Variants in TCEA1 observed in about 807,000 individuals in gnomAD.
TCEA1 encodes the protein transcription elongation factor A protein 1.
A neutral mutation model predicts 43.8 loss-of-function variants in TCEA1; 21 were observed. The observed-to-expected ratio is 0.48, with a 90% CI of 0.34 to 0.69. The LOEUF (loss-of-function observed/expected upper bound fraction) is 0.69. Ranked by LOEUF, TCEA1 falls within the 30% of genes least tolerant of loss-of-function variation. The pLI is 0.01. For missense variants in TCEA1, 250 were observed against 365.1 expected (o/e 0.68, Z 2.57); for synonymous variants, 104 against 117.5 (o/e 0.88, Z 0.75).
rs569596987 is a variant in TCEA1, at chr8:53,985,600, G to A, written c.524-1083C>T. 2.3e-3 allele frequency among the ~76,000 whole-genome samples: 346 copies of A among 152,182 alleles called. 3 individuals are homozygous for A. Among genetic ancestry groups the A allele is most frequent in the East Asian group, 1.2e-3 (6 of 5,164 alleles). On this transcript the variant is annotated intron_variant, in intron 6 of 9. Transcript: ENST00000521604. ...CTACCTCAGCAGGCTCTTCTTCTCT[G>A]CAGAAGAGGCCACTGCCAAAGCTGA...
At chr8:54,020,880 G>A (rs1441426351) in intron 1 of TCEA1, among the ~76,000 whole-genome samples, 1 of 152,124 alleles carries the variant, frequency 6.6e-6, no homozygotes, top group Non-Finnish European at 1.5e-5. Context: ...TTTAGGTGAG[G>A]ACAATTATAT....
At position 53,987,035 on chromosome 8, in the gene TCEA1, G is replaced by A. The variant is rs1192400484; in HGVS notation, c.467-10C>T. 6.3e-7 allele frequency: 1 copy of A among 1,583,762 alleles called. No individual in the cohort carries two copies. Among genetic ancestry groups the A allele is most frequent in the Non-Finnish European group, 8.6e-7 (1 of 1,166,856 alleles). On this transcript the variant is annotated splice_polypyrimidine_tract_variant and intron_variant, in intron 5 of 9. Coordinates refer to ENST00000521604, the MANE Select transcript of TCEA1 (RefSeq NM_006756.4). ...ATTGCAATGTAGTCATCTAAAAATA[G>A]GCATAAAGAATTGTCAAATTATTGT...
intron 8 of TCEA1, chr8:53,972,592 T>C (rs1232542393): frequency 1.4e-5 from 8 of 564,846 alleles, no homozygotes; most frequent in Non-Finnish European, 2.8e-5. Flanking sequence ...AAAGGAGGTG[T>C]TATATTTCCT....
intron 1 of TCEA1, among the ~76,000 whole-genome samples, chr8:54,021,213 C>T (rs1488345947): frequency 1.3e-5 from 2 of 152,052 alleles, no homozygotes; most frequent in Non-Finnish European, 2.9e-5. Flanking sequence ...TAGCTAAGAA[C>T]AGATGAGTCT....
In TCEA1 at chr8:53,988,028, C is replaced by T. The variant is rs1214655645; in HGVS notation, c.466+86G>A. On this transcript the variant is annotated intron_variant, in intron 5 of 9. Transcript: ENST00000521604. ...TGGGTGGGCTATCCACAGGGTAACA[C>T]TCATCAAACAGCAATATGGAGTTGG... The T allele has an allele frequency of 1.9e-5, 28 of 1,506,894 alleles. No individual in the cohort carries two copies. The South Asian group carries it at 2.7e-4, about 15-fold the overall frequency. 93.3% of individuals were successfully genotyped at this position (1,506,894 alleles called of 1,614,324 possible). A position where few individuals can be genotyped will look rare whatever the true frequency, so the allele number is the denominator to read the frequency against.
At position 54,002,274 on chromosome 8, in the gene TCEA1, A is replaced by T. The variant is rs564321372; in HGVS notation, c.127-2224T>A. On this transcript the variant is annotated intron_variant, in intron 2 of 9. Coordinates refer to ENST00000521604, the MANE Select transcript of TCEA1 (RefSeq NM_006756.4). ...ATCACGAGGTCGGGAGATTAAGACC[A>T]TCCTGGCTGACACGGTGAAACCCCA... 2.8e-3 allele frequency among the ~76,000 whole-genome samples: 422 copies of T among 151,698 alleles called. 3 individuals are homozygous for T. Among genetic ancestry groups the T allele is most frequent in the African/African-American group, 9.8e-3 (404 of 41,328 alleles).
intron 5 of TCEA1, among the ~76,000 whole-genome samples, chr8:53,987,558 G>A (rs991876980): frequency 6.6e-6 from 1 of 152,294 alleles, no homozygotes. Context: ...TAGCCATGGT[G>A]CAGAATGAGA....
intron 1 of TCEA1, chr8:54,021,745 T>C (rs1215114007): frequency 1.2e-5 from 3 of 257,264 alleles, no homozygotes; most frequent in African/African-American, 6.7e-5. Context: ...ATTCCTAAGC[T>C]AAATTGCCAA....
intron 9 of TCEA1, among the ~76,000 whole-genome samples, chr8:53,968,807 A>G (rs1481590812): frequency 6.6e-6 from 1 of 152,214 alleles, no homozygotes; most frequent in African/African-American, 2.4e-5. Flanking sequence ...AAAAAGATCC[A>G]TCATGCAAAA....
At chr8:53,993,133 T>C (rs1002128286) in intron 4 of TCEA1, among the ~76,000 whole-genome samples, 1 of 145,422 alleles carries the variant, frequency 6.9e-6, no homozygotes, top group Non-Finnish European at 1.5e-5. Context: ...GCTAATTTTT[T>C]TTTTTTTTTT....
intron 6 of TCEA1, 92 bp from the exon 7 acceptor site, chr8:53,984,609 C>G: frequency 8.9e-7 from 1 of 1,129,934 alleles, no homozygotes; most frequent in Non-Finnish European, 1.2e-6. Flanking sequence ...TGAGGCCAGG[C>G]ACGGTGGCTC....
rs555548863 is a variant in TCEA1, at chr8:54,006,593, ACTCT to A, written c.126+3833_126+3836del. Among the ~76,000 whole-genome samples the A allele has an allele frequency of 1.1e-4, 16 of 152,158 alleles. No homozygotes were observed. The South Asian group carries it at 2.7e-3, about 26-fold the overall frequency. On this transcript the variant is annotated intron_variant, in intron 2 of 9. Transcript: ENST00000521604. ...AATATTAACCCTATCCAACCTCCAT[ACTCT>A]CTCTAACTCTACACGTGCCTGTTAA...
intron 7 of TCEA1, among the ~76,000 whole-genome samples, chr8:53,983,824 C>T (rs899286212): frequency 7.2e-5 from 11 of 152,190 alleles, no homozygotes; most frequent in African/African-American, 2.4e-4. Context: ...GGTGGCCAGC[C>T]GTGGTGGCTC....
At chr8:54,003,969 G>A (rs940779002) in intron 2 of TCEA1, among the ~76,000 whole-genome samples, 4 of 149,866 alleles carry the variant, frequency 2.7e-5, no homozygotes, top group Non-Finnish European at 4.4e-5. Context: ...ATTTAAAAAC[G>A]GGCAAAGGAT....
chr8:54,009,563 G>A (rs1586032990), intron 2 of TCEA1, among the ~76,000 whole-genome samples: 2 of 152,154 alleles, frequency 1.3e-5, no homozygotes, highest in East Asian at 1.9e-4. Flanking sequence ...AATAAGCCAG[G>A]CAGAGAAAGA....
chr8:53,973,883 G>C, intron 8 of TCEA1: 1 of 322,554 alleles, frequency 3.1e-6, no homozygotes, highest in Non-Finnish European at 5.9e-6. Flanking sequence ...AGGCAATAAA[G>C]AAAAAAGAGG....
At chr8:53,989,082 A>G (rs1803787375) in intron 4 of TCEA1, among the ~76,000 whole-genome samples, 1 of 151,932 alleles carries the variant, frequency 6.6e-6, no homozygotes, top group Non-Finnish European at 1.5e-5. Flanking sequence ...AAAAAAAAGA[A>G]CAAAAAGAAA....
Position 53,984,519 on chromosome 8 carries a change from T to C in TCEA1, c.524-2A>G. The C allele has an allele frequency of 6.4e-7, 1 of 1,553,912 alleles. No individual in the cohort carries two copies. The highest frequency in any genetic ancestry group is 8.7e-7 in the Non-Finnish European group (1 of 1,154,654). Reference sequence around the variant, plus strand: ...TATTCCTTATTTCTTGATATATAGGTACCAGGCCGTTAAGGAAAAAAGGCA... The same window carrying C: ...TATTCCTTATTTCTTGATATATAGGCACCAGGCCGTTAAGGAAAAAAGGCA... On this transcript the variant is annotated splice_acceptor_variant, in intron 6 of 9. Coordinates refer to ENST00000521604, the MANE Select transcript of TCEA1 (RefSeq NM_006756.4). LOFTEE classifies it high-confidence loss of function.
intron 2 of TCEA1, among the ~76,000 whole-genome samples, chr8:54,004,194 AATGGT>A (rs1804365931): frequency 6.6e-6 from 1 of 152,206 alleles, no homozygotes; most frequent in South Asian, 2.1e-4. Context: ...AGGGATATAA[AATGGT>A]ATGGTGGCTG....
Sources: allele counts gnomAD v4.1 joint callset (sites outside exome capture counted in the v4.1 genomes callset), GRCh38; gene constraint gnomAD v4.1.1; transcripts MANE v1.5; gene names NCBI Gene and HGNC (gene_info 2026-07-23, HGNC 2026-07-21).